NFIB: variants seen among roughly 807,000 people sequenced by gnomAD.
The protein encoded by NFIB is nuclear factor I B.
In NFIB, 11 loss-of-function variants were observed where a neutral mutation model predicts 61.5. That is an observed-to-expected ratio of 0.18 (90% CI 0.11 to 0.30). The LOEUF is 0.30. Ranked by LOEUF, NFIB falls within the 10% of genes least tolerant of loss-of-function variation. The pLI is 1.00. For synonymous variants in NFIB, 260 were observed against 216.5 expected (o/e 1.20, Z -1.76); for missense variants, 471 against 608.9 (o/e 0.77, Z 2.38).
intron 4 of NFIB, 77 bp from the exon 5 acceptor site, chr9:14,150,342 C>G (rs929349193): frequency 1.3e-6 from 2 of 1,595,218 alleles, no homozygotes; most frequent in Non-Finnish European, 1.7e-6. Context: ...AATCGAGAAT[C>G]TTTCATGCCT....
At chr9:14,126,914 C>T (rs759007050) in intron 6 of NFIB, among the ~76,000 whole-genome samples, 6 of 152,180 alleles carry the variant, frequency 3.9e-5, no homozygotes, top group Non-Finnish European at 8.8e-5. Context: ...GCCTGGGACA[C>T]ACTGGTGAAC....
At chr9:14,448,299 T>C in the NFIB span, among the ~76,000 whole-genome samples, 2 of 152,224 alleles carry the variant, frequency 1.3e-5, no homozygotes, top group African/African-American at 2.4e-5. Flanking sequence ...CTGGAAGATT[T>C]TTCATTCTTC....
At chr9:14,457,598 A>T in the NFIB span, among the ~76,000 whole-genome samples, 1 of 151,782 alleles carries the variant, frequency 6.6e-6, no homozygotes, top group South Asian at 2.1e-4. Context: ...TGAAAAGATC[A>T]ACAAAATTGA....
At chr9:14,442,411 A>G in the NFIB span, among the ~76,000 whole-genome samples, 18 of 152,218 alleles carry the variant, frequency 1.2e-4, no homozygotes, top group African/African-American at 4.3e-4. Flanking sequence ...TGCATTTGAC[A>G]AAATGTCCAG....
At chr9:14,519,449 G>T in the NFIB span, among the ~76,000 whole-genome samples, 3 of 152,262 alleles carry the variant, frequency 2.0e-5, no homozygotes, top group East Asian at 3.9e-4. Flanking sequence ...GTGGAAATTG[G>T]TTGAGCCTAA....
chr9:14,204,168 A>G (rs779647857), intron 2 of NFIB: 3 of 478,598 alleles, frequency 6.3e-6, no homozygotes, highest in Non-Finnish European at 1.1e-5. Context: ...TAACAAAAGA[A>G]AACCTTTTCA....
intron 3 of NFIB, among the ~76,000 whole-genome samples, chr9:14,175,099 G>C (rs567645544): frequency 2.0e-5 from 3 of 147,550 alleles, no homozygotes; most frequent in Admixed American, 6.8e-5. Flanking sequence ...TGTTGGCTTT[G>C]ATTTCAGTAT....
rs902380714 is a variant in NFIB, at chr9:14,083,462, T to C, written c.*4847A>G. The C allele has an allele frequency of 2.9e-5, 6 of 205,942 alleles. No homozygotes were observed. In the Admixed American group the frequency reaches 3.2e-4, roughly 11 times the overall value. The allele number at this position is 205,942 out of a possible 1,614,324, so 12.8% of individuals were successfully genotyped here. A position where few individuals can be genotyped will look rare whatever the true frequency, so the allele number is the denominator to read the frequency against. Reference sequence around the variant, plus strand: ...CATTTTTGAGCTTTTACTATTGAACTTGAATAGCCTGCACATTAAAAAAAA... The same window carrying C: ...CATTTTTGAGCTTTTACTATTGAACCTGAATAGCCTGCACATTAAAAAAAA... On this transcript the variant is annotated 3_prime_UTR_variant, in exon 11 of 11. Coordinates refer to ENST00000380953, the MANE Select transcript of NFIB (RefSeq NM_001190737.2).
chr9:14,340,642 C>T (rs2060938858), intron 1 of NFIB, among the ~76,000 whole-genome samples: 1 of 152,218 alleles, frequency 6.6e-6, no homozygotes, highest in Admixed American at 6.5e-5. Context: ...ACTTTTCTCT[C>T]GAACAGGAAA....
chr9:14,496,175 T>C, the NFIB span, among the ~76,000 whole-genome samples: 1 of 152,232 alleles, frequency 6.6e-6, no homozygotes, highest in Non-Finnish European at 1.5e-5. Context: ...GTGCTTCAAA[T>C]TTTTTATTTT....
At chr9:14,116,592 C>T (rs1160933811) in intron 8 of NFIB, among the ~76,000 whole-genome samples, 1 of 152,180 alleles carries the variant, frequency 6.6e-6, no homozygotes, top group Non-Finnish European at 1.5e-5. Flanking sequence ...TTTACAGCAC[C>T]CCTGAGAGCC....
chr9:14,263,157 T>TA (rs1365657414), intron 2 of NFIB, among the ~76,000 whole-genome samples: 1 of 152,170 alleles, frequency 6.6e-6, no homozygotes, highest in Non-Finnish European at 1.5e-5. Context: ...TGTCTTAACC[T>TA]ATAACATGAT....
chr9:14,156,462 C>T (rs1402743646), intron 3 of NFIB, among the ~76,000 whole-genome samples: 1 of 152,210 alleles, frequency 6.6e-6, no homozygotes, highest in African/African-American at 2.4e-5. Context: ...TATTTCTGGG[C>T]ATCTTTAATA....
At chr9:14,149,695 T>C (rs1230453997) in intron 5 of NFIB, among the ~76,000 whole-genome samples, 1 of 152,192 alleles carries the variant, frequency 6.6e-6, no homozygotes, top group East Asian at 1.9e-4. Context: ...TGGCAAACTG[T>C]GGTCTTTAAT....
At chr9:14,171,724 C>A (rs1187776940) in intron 3 of NFIB, among the ~76,000 whole-genome samples, 1 of 152,054 alleles carries the variant, frequency 6.6e-6, no homozygotes, top group East Asian at 1.9e-4. Flanking sequence ...AAACCCAAGT[C>A]TGGTAAAATA....
chr9:14,470,600 G>A, the NFIB span, among the ~76,000 whole-genome samples: 2 of 152,262 alleles, frequency 1.3e-5, no homozygotes, highest in Middle Eastern at 3.4e-3. Flanking sequence ...TTAGGCAGCA[G>A]GGGCTTGGGA....
In NFIB at chr9:14,120,188, T is replaced by G. The variant is rs565481154; in HGVS notation, c.1245+252A>C. On this transcript the variant is annotated intron_variant, in intron 8 of 10. Transcript: ENST00000380953. This position sits in a 1 kb window ranked among gnomAD's most constrained non-coding sequence, Gnocchi z 4.4. The stretch of plus-strand genomic sequence containing the variant: ...TGTCAATGTACTTTCTGCATAAACT[T>G]TCCCTTCAGTCAGTGAAAATCCAAA... Among the ~76,000 whole-genome samples the G allele has an allele frequency of 3.3e-5, 5 of 152,300 alleles. No homozygotes were observed. The East Asian group carries it at 9.7e-4, about 29-fold the overall frequency.
the NFIB span, among the ~76,000 whole-genome samples, chr9:14,439,852 G>T: frequency 1.3e-5 from 2 of 152,210 alleles, no homozygotes; most frequent in Admixed American, 1.3e-4. Context: ...CGAGGCGGAA[G>T]CCGTTTGCCC....
chr9:14,402,296 G>T (rs7030092), upstream of NFIB, among the ~76,000 whole-genome samples: 1 of 152,116 alleles, frequency 6.6e-6, no homozygotes. Context: ...TAGCTTTAAG[G>T]AGAAAATTAT....
Sources: gnomAD v4.1 joint callset for allele counts (sites outside exome capture counted in the v4.1 genomes callset) on GRCh38, gnomAD v4.1.1 for gene constraint, Gnocchi (gnomAD v3.1) non-coding constraint, MANE v1.5 for transcripts, NCBI Gene and HGNC (gene_info 2026-07-23, HGNC 2026-07-21) for gene names.